The following PCDHGA4 variants were observed in gnomAD, a reference collection of about 807,000 sequenced individuals.
The protein encoded by PCDHGA4 is protocadherin gamma-A4.
PCDHGA4 carries 38 observed loss-of-function variants against 54.6 expected under a neutral mutation model. That is an observed-to-expected ratio of 0.70 (90% CI 0.54 to 0.91). PCDHGA4 has a LOEUF of 0.91. PCDHGA4 is among the 40% of genes least tolerant of loss of function. The pLI is 0.00. For missense variants in PCDHGA4, 1,298 were observed against 1,220.9 expected (o/e 1.06, Z -0.94); for synonymous variants, 511 against 512.9 (o/e 1.00, Z 0.05).
At chr5:141,371,741 T>TC (rs1767992847) in intron 1 of PCDHGA4, 2 of 1,614,004 alleles carry the variant, frequency 1.2e-6, no homozygotes, top group South Asian at 2.2e-5. Context: ...ACGACAACGT[T>TC]CCCGTTTTCC....
intron 1 of PCDHGA4, chr5:141,418,998 G>C (rs757681244): frequency 1.9e-6 from 3 of 1,613,940 alleles, no homozygotes; most frequent in South Asian, 1.1e-5. Context: ...GGGGAAAATG[G>C]GGAAGTCAGG....
Position 141,382,943 on chromosome 5 carries a change from T to C in PCDHGA4, c.2514+25322T>C, listed in dbSNP as rs766692143. On this transcript the variant is annotated intron_variant, in intron 1 of 3. Coordinates refer to ENST00000571252, the MANE Select transcript of PCDHGA4 (RefSeq NM_018917.4). The stretch of plus-strand genomic sequence containing the variant: ...GGCGGGGACTACAGAGGATTCTTCC[T>C]GCTCTCCATCCTCCTGGGGACCCCC... 2.6e-5 allele frequency: 42 copies of C among 1,596,066 alleles called. No individual in the cohort carries two copies. Among genetic ancestry groups the C allele is most frequent in the Non-Finnish European group, 3.5e-5 (41 of 1,169,148 alleles).
chr5:141,417,821 A>G (rs769813917), intron 1 of PCDHGA4: 1 of 1,514,942 alleles, frequency 6.6e-7, no homozygotes, highest in African/African-American at 1.4e-5. Flanking sequence ...ACTTTCTCCA[A>G]CTGGAAAAGC....
chr5:141,369,001 A>G (rs974961840), intron 1 of PCDHGA4, among the ~76,000 whole-genome samples: 2 of 152,152 alleles, frequency 1.3e-5, no homozygotes, highest in Non-Finnish European at 2.9e-5. Flanking sequence ...TCGGTGTGGA[A>G]CTCATTGCTT....
At chr5:141,481,999 C>T (rs958678555) in intron 1 of PCDHGA4, among the ~76,000 whole-genome samples, 7 of 149,942 alleles carry the variant, frequency 4.7e-5, no homozygotes, top group Admixed American at 2.0e-4. Flanking sequence ...GCAGGAGAAT[C>T]GCTTTATCTC....
chr5:141,387,571 T>C (rs1183327637), intron 1 of PCDHGA4: 2 of 474,240 alleles, frequency 4.2e-6, no homozygotes, highest in African/African-American at 2.0e-5. Flanking sequence ...ACAATTATAA[T>C]TATTGCACTG....
intron 2 of PCDHGA4, among the ~76,000 whole-genome samples, chr5:141,497,781 C>T (rs2099779421): frequency 1.3e-5 from 2 of 152,192 alleles, no homozygotes; most frequent in African/African-American, 4.8e-5. Flanking sequence ...CTCAACTGAT[C>T]CACCTGCTTC....
In PCDHGA4 at chr5:141,489,185, T is replaced by G; in HGVS notation, c.2515-5622T>G. The G allele has an allele frequency of 7.8e-7, 1 of 1,286,838 alleles. No individual in the cohort carries two copies. The highest frequency in any genetic ancestry group is 1.5e-5 in the African/African-American group (1 of 67,216). 79.7% of individuals were successfully genotyped at this position (1,286,838 alleles called of 1,614,324 possible). On this transcript the variant is annotated intron_variant, in intron 1 of 3. Transcript: ENST00000571252. The surrounding 1 kb of genome is among the most constrained non-coding windows in gnomAD (Gnocchi z 4.5). The stretch of plus-strand genomic sequence containing the variant: ...CAGCTGCTGCATTCCAAGCCCTGGG[T>G]CTACCTTGGAGACAGGACAGCACAG...
intron 1 of PCDHGA4, chr5:141,423,091 G>A (rs1243671863): frequency 6.2e-7 from 1 of 1,613,908 alleles, no homozygotes; most frequent in Non-Finnish European, 8.5e-7. Flanking sequence ...CGCGGTGGGG[G>A]AGCACACGGG....
intron 1 of PCDHGA4, chr5:141,397,846 A>C: frequency 1.9e-6 from 1 of 528,462 alleles, no homozygotes; most frequent in South Asian, 3.1e-5. Flanking sequence ...GAAGCCGCAG[A>C]GGCTGTAGTT....
At position 141,478,749 on chromosome 5, in the gene PCDHGA4, G is replaced by A. The variant is rs1306895064; in HGVS notation, c.2515-16058G>A. On this transcript the variant is annotated intron_variant, in intron 1 of 3. Coordinates refer to ENST00000571252, the MANE Select transcript of PCDHGA4 (RefSeq NM_018917.4). ...GAGTGTGGTTTGTGGTCCCATTTCA[G>A]GGGGAAGATACTTGACTCATCTGTG... The A allele has an allele frequency of 3.3e-6, 5 of 1,524,326 alleles. No homozygotes were observed. The South Asian group carries it at 6.4e-5, about 19-fold the overall frequency. The allele number at this position is 1,524,326 out of a possible 1,614,324, so 94.4% of individuals were successfully genotyped here.
Position 141,405,152 on chromosome 5 carries a change from G to T in PCDHGA4, c.2514+47531G>T, listed in dbSNP as rs550773622. Reference sequence around the variant, plus strand: ...GCGGGCTACCAGTGATGGGTTGGCTGGTGTGCCCACCTCACACTTTGTGGG... The same window carrying T: ...GCGGGCTACCAGTGATGGGTTGGCTTGTGTGCCCACCTCACACTTTGTGGG... On this transcript the variant is annotated intron_variant, in intron 1 of 3. Transcript: ENST00000571252. 180 of 1,613,896 alleles carry T rather than the reference G, an allele frequency of 1.1e-4. 1 individual carries two copies. In the South Asian group the frequency reaches 1.9e-3, roughly 17 times the overall value.
At chr5:141,389,093 G>A in intron 1 of PCDHGA4, 1 of 1,614,018 alleles carries the variant, frequency 6.2e-7, no homozygotes, top group Non-Finnish European at 8.5e-7. Flanking sequence ...ATAAATTAGT[G>A]ACAGATGCTG....
Position 141,451,680 on chromosome 5 carries a change from A to G in PCDHGA4, c.2515-43127A>G, listed in dbSNP as rs189200375. Among the ~76,000 whole-genome samples, 85 of 152,310 alleles carry G rather than the reference A, an allele frequency of 5.6e-4. 1 individual carries two copies. The East Asian group carries it at 0.012, about 21-fold the overall frequency. On this transcript the variant is annotated intron_variant, in intron 1 of 3. Coordinates refer to ENST00000571252, the MANE Select transcript of PCDHGA4 (RefSeq NM_018917.4). The stretch of plus-strand genomic sequence containing the variant: ...GTGGACTGCTTGAGCCCAGGAGTTC[A>G]AGACCAGCCTGGGTAACATGACAAA...
intron 1 of PCDHGA4, among the ~76,000 whole-genome samples, chr5:141,444,758 T>C (rs1430492886): frequency 1.3e-5 from 2 of 152,262 alleles, no homozygotes; most frequent in East Asian, 3.8e-4. Flanking sequence ...TATGTAGTTC[T>C]ATTTCTATAT....
At chr5:141,448,415 T>C (rs1286455437) in intron 1 of PCDHGA4, among the ~76,000 whole-genome samples, 2 of 152,158 alleles carry the variant, frequency 1.3e-5, no homozygotes, top group African/African-American at 2.4e-5. Context: ...ATCAAAACAA[T>C]ATACTATGTA....
At chr5:141,456,984 C>T (rs374156327) in intron 1 of PCDHGA4, among the ~76,000 whole-genome samples, 1 of 152,082 alleles carries the variant, frequency 6.6e-6, no homozygotes, top group Admixed American at 6.6e-5. Flanking sequence ...AACAAACAAA[C>T]AAACAAAAAC....
At chr5:141,412,204 T>G (rs2095542280) in intron 1 of PCDHGA4, 1 of 152,240 alleles carries the variant, frequency 6.6e-6, no homozygotes, top group Admixed American at 6.5e-5. Context: ...ACAGGTCATT[T>G]GACATAAACA....
At chr5:141,399,758 T>G in intron 1 of PCDHGA4, 1 of 1,613,334 alleles carries the variant, frequency 6.2e-7, no homozygotes, top group Non-Finnish European at 8.5e-7. Context: ...AACGTGAGCC[T>G]GCGCGTGTTG....
Sources: allele counts gnomAD v4.1 joint callset (sites outside exome capture counted in the v4.1 genomes callset), GRCh38; gene constraint gnomAD v4.1.1; non-coding constraint Gnocchi (gnomAD v3.1); transcripts MANE v1.5; gene names NCBI Gene and HGNC (gene_info 2026-07-23, HGNC 2026-07-21).